DCDC2C: variants seen among roughly 807,000 people sequenced by gnomAD.
The protein encoded by DCDC2C is doublecortin domain-containing protein 2C.
A neutral mutation model predicts 45.0 loss-of-function variants in DCDC2C; 44 were observed. The ratio of observed to expected loss-of-function variants is 0.98; its 90% confidence interval spans 0.77 to 1.26. DCDC2C has a LOEUF of 1.26. Among genes scored for constraint, DCDC2C ranks in the 50% most tolerant of loss-of-function variants. The pLI is 0.00. For missense variants in DCDC2C, 447 were observed against 468.9 expected (o/e 0.95, Z 0.43); for synonymous variants, 187 against 178.8 (o/e 1.05, Z -0.37).
chr2:3,729,564 G>A (rs1344731233), intron 3 of DCDC2C, among the ~76,000 whole-genome samples: 1 of 152,204 alleles, frequency 6.6e-6, no homozygotes, highest in Admixed American at 6.5e-5. Flanking sequence ...GGTCAGTGAA[G>A]GTGGCCAGGC....
intron 6 of DCDC2C, among the ~76,000 whole-genome samples, chr2:3,757,476 C>T (rs1669752245): frequency 6.6e-6 from 1 of 152,080 alleles, no homozygotes; most frequent in Non-Finnish European, 1.5e-5. Context: ...AAAAAAGTAC[C>T]TAGAATACAA....
intron 9 of DCDC2C, 84 bp downstream of exon 9, chr2:3,778,968 G>A (rs1466381657): frequency 7.6e-7 from 1 of 1,322,016 alleles, no homozygotes; most frequent in African/African-American, 1.5e-5. Flanking sequence ...GTGGTGAAAG[G>A]ATCTGAGATC....
Position 3,722,989 on chromosome 2 carries a change from G to A in DCDC2C, c.340-4014G>A, listed in dbSNP as rs532258766. On this transcript the variant is annotated intron_variant, in intron 2 of 10. Transcript: ENST00000399143. ...GTTTTGTTACCATGAGTATGCAGGT[G>A]TATATAATTTTATATATAGTATGAT... Among the ~76,000 whole-genome samples, 10 of 152,282 alleles carry A rather than the reference G, an allele frequency of 6.6e-5. 1 individual carries two copies. The highest frequency in any genetic ancestry group is 3.3e-4 in the Admixed American group (5 of 15,300).
At chr2:3,715,128 A>AT (rs376546230) in intron 2 of DCDC2C, among the ~76,000 whole-genome samples, 277 of 152,214 alleles carry the variant, frequency 1.8e-3, no homozygotes, top group African/African-American at 6.4e-3. Context: ...CATAATCTAC[A>AT]TTTTTTTCAA....
At chr2:3,786,807 CT>C (rs1212482822) in intron 10 of DCDC2C, among the ~76,000 whole-genome samples, 2 of 152,356 alleles carry the variant, frequency 1.3e-5, no homozygotes, top group Admixed American at 6.5e-5. Flanking sequence ...GCTAGGTGTC[CT>C]TTGTTAAGTA....
At chr2:3,726,776 GC>G (rs377677073) in intron 2 of DCDC2C, among the ~76,000 whole-genome samples, 2 of 152,222 alleles carry the variant, frequency 1.3e-5, no homozygotes, top group Non-Finnish European at 2.9e-5. Flanking sequence ...GCAGCGCAGA[GC>G]CCTCAGCCCC....
intron 8 of DCDC2C, among the ~76,000 whole-genome samples, chr2:3,777,448 T>C (rs1276794437): frequency 6.6e-6 from 1 of 152,236 alleles, no homozygotes; most frequent in Non-Finnish European, 1.5e-5. Context: ...GTATTCAGTA[T>C]GGTGGGTGTC....
At chr2:3,809,824 A>T (rs1671346983) in intron 10 of DCDC2C, among the ~76,000 whole-genome samples, 1 of 151,948 alleles carries the variant, frequency 6.6e-6, no homozygotes, top group East Asian at 1.9e-4. Context: ...ACTCCCACTT[A>T]TGAGTGAGAA....
Position 3,742,049 on chromosome 2 carries a change from G to A in DCDC2C, c.545+1G>A. 2.0e-6 allele frequency: 3 copies of A among 1,534,096 alleles called. No homozygotes were observed. Among genetic ancestry groups the A allele is most frequent in the African/African-American group, 1.4e-5 (1 of 72,388 alleles). ...TCTTCCCTCTAGGAGGCGTTCGGAA[G>A]TAAGGAGACTCTCGCCTTTAGGACA... On this transcript the variant is annotated splice_donor_variant, in intron 4 of 10. Coordinates refer to ENST00000399143, the MANE Select transcript of DCDC2C (RefSeq NM_001287444.2). LOFTEE classifies it high-confidence loss of function.
intron 10 of DCDC2C, among the ~76,000 whole-genome samples, chr2:3,826,668 T>A (rs1391358017): frequency 6.6e-6 from 1 of 152,120 alleles, no homozygotes; most frequent in African/African-American, 2.4e-5. Context: ...CCCCTCTCTG[T>A]GGGTAGGAAT....
intron 3 of DCDC2C, 115 bp from the exon 4 acceptor site, chr2:3,741,805 C>A: frequency 8.8e-7 from 1 of 1,132,098 alleles, no homozygotes; most frequent in Non-Finnish European, 1.2e-6. Flanking sequence ...GTATTGGAGG[C>A]TGCTTAGTGC....
intron 10 of DCDC2C, among the ~76,000 whole-genome samples, chr2:3,797,147 T>A (rs1282499789): frequency 3.3e-5 from 5 of 152,222 alleles, no homozygotes; most frequent in African/African-American, 7.2e-5. Flanking sequence ...ATTTTCTAGT[T>A]TATTTGCGTA....
intron 9 of DCDC2C, among the ~76,000 whole-genome samples, chr2:3,779,202 G>A (rs1018835605): frequency 6.6e-6 from 1 of 152,248 alleles, no homozygotes; most frequent in African/African-American, 2.4e-5. Flanking sequence ...CGTCCAGGGA[G>A]GTGAAGGAAG....
intron 10 of DCDC2C, among the ~76,000 whole-genome samples, chr2:3,808,223 G>T (rs137895532): frequency 6.6e-6 from 1 of 152,228 alleles, no homozygotes; most frequent in African/African-American, 2.4e-5. Context: ...TTTTTATTTA[G>T]TAATTTGTCT....
At chr2:3,798,065 G>A (rs976137463) in intron 10 of DCDC2C, among the ~76,000 whole-genome samples, 5 of 152,020 alleles carry the variant, frequency 3.3e-5, no homozygotes, top group Non-Finnish European at 7.4e-5. Context: ...TGTATTAGGT[G>A]CATATATATT....
At chr2:3,723,433 C>G (rs185513682) in intron 2 of DCDC2C, among the ~76,000 whole-genome samples, 151 of 152,274 alleles carry the variant, frequency 9.9e-4, no homozygotes, top group African/African-American at 3.5e-3. Context: ...TGAGTATGTT[C>G]CAGGCTCAGG....
intron 6 of DCDC2C, among the ~76,000 whole-genome samples, chr2:3,765,670 C>G (rs1669992778): frequency 6.6e-6 from 1 of 152,174 alleles, no homozygotes; most frequent in South Asian, 2.1e-4. Flanking sequence ...TGCTATGTGC[C>G]AGGCATGGTT....
chr2:3,841,573 G>A (rs528406526), intron 10 of DCDC2C, among the ~76,000 whole-genome samples: 3 of 152,210 alleles, frequency 2.0e-5, no homozygotes, highest in South Asian at 2.1e-4. Flanking sequence ...TTTATCAAAC[G>A]TTTTCTGAGT....
chr2:3,810,311 T>C (rs1416242400), intron 10 of DCDC2C, among the ~76,000 whole-genome samples: 3 of 152,256 alleles, frequency 2.0e-5, no homozygotes, highest in African/African-American at 7.2e-5. Flanking sequence ...GAGTATCTCA[T>C]TGTGGTTTTG....
Sources: gnomAD v4.1 joint callset for allele counts (sites outside exome capture counted in the v4.1 genomes callset) on GRCh38, gnomAD v4.1.1 for gene constraint, MANE v1.5 for transcripts, NCBI Gene and HGNC (gene_info 2026-07-23, HGNC 2026-07-21) for gene names.